The following HLCS variants were observed in gnomAD, a reference collection of about 807,000 sequenced individuals.
HLCS encodes the protein biotin--protein ligase.
A neutral mutation model predicts 75.0 loss-of-function variants in HLCS; 53 were observed. The observed-to-expected ratio is 0.71, with a 90% CI of 0.57 to 0.89. The LOEUF is 0.89. Ranked by LOEUF, HLCS falls within the 40% of genes least tolerant of loss-of-function variation. The pLI, the probability that HLCS is intolerant of heterozygous loss-of-function variation, is 0.00. For synonymous variants in HLCS, 431 were observed against 428.6 expected (o/e 1.01, Z -0.07); for missense variants, 966 against 1,074.0 (o/e 0.90, Z 1.41).
At chr21:36,927,060 C>T (rs1255606601) in intron 5 of HLCS, among the ~76,000 whole-genome samples, 8 of 152,156 alleles carry the variant, frequency 5.3e-5, no homozygotes, top group South Asian at 4.1e-4. Flanking sequence ...CTTCTTTCTA[C>T]GGAGATAGGT....
At chr21:36,779,159 G>GC (rs34474993) in intron 6 of HLCS, among the ~76,000 whole-genome samples, 152,216 of 152,216 alleles carry the variant, frequency 1, 76,108 homozygotes, top group Non-Finnish European at 1. Context: ...CAAAAAATTG[G>GC]CCTCCATATA....
chr21:36,917,319 G>C (rs2065975200), intron 5 of HLCS, among the ~76,000 whole-genome samples: 1 of 152,158 alleles, frequency 6.6e-6, no homozygotes, highest in Non-Finnish European at 1.5e-5. Context: ...CTTTGCCGGG[G>C]AAGGGCTGCT....
At chr21:36,905,907 G>A (rs750846885) in intron 5 of HLCS, among the ~76,000 whole-genome samples, 22 of 151,930 alleles carry the variant, frequency 1.4e-4, no homozygotes, top group Admixed American at 3.3e-4. Flanking sequence ...AAAATTAGCC[G>A]GGTGTGGTGG....
At chr21:36,905,071 G>T (rs757812200) in intron 5 of HLCS, among the ~76,000 whole-genome samples, 19 of 152,176 alleles carry the variant, frequency 1.2e-4, no homozygotes, top group Non-Finnish European at 2.4e-4. Context: ...TAAACCCTTA[G>T]TTACTTTATA....
chr21:36,916,517 A>ATTTTTT (rs1569188583), intron 5 of HLCS, among the ~76,000 whole-genome samples: 1 of 136,540 alleles, frequency 7.3e-6, no homozygotes. Flanking sequence ...ATGCCTAGCT[A>ATTTTTT]ATTTTTTTTT....
intron 6 of HLCS, among the ~76,000 whole-genome samples, chr21:36,819,480 C>T (rs970507744): frequency 2.6e-5 from 4 of 152,216 alleles, no homozygotes; most frequent in African/African-American, 9.7e-5. Context: ...TCAGCATCTA[C>T]CACTTCTTTG....
chr21:36,912,753 T>C (rs1264601872), intron 5 of HLCS, among the ~76,000 whole-genome samples: 3 of 152,010 alleles, frequency 2.0e-5, no homozygotes, highest in Non-Finnish European at 4.4e-5. Context: ...TCTATGCAAT[T>C]AGCCACCCCC....
chr21:36,968,076 G>A (rs574992347), upstream of HLCS, among the ~76,000 whole-genome samples: 27 of 152,156 alleles, frequency 1.8e-4, no homozygotes, highest in South Asian at 5.0e-3. Flanking sequence ...CTGGAGTGCC[G>A]TGGCATAATC....
At chr21:36,787,416 C>A (rs1231746434) in intron 6 of HLCS, among the ~76,000 whole-genome samples, 1 of 152,204 alleles carries the variant, frequency 6.6e-6, no homozygotes, top group African/African-American at 2.4e-5. Context: ...TTAAGACCCG[C>A]AGGGGTCACC....
Position 36,754,309 on chromosome 21 carries a change from A to G in HLCS, c.2559T>C (p.Thr853=). 2 of 1,614,108 alleles carry G rather than the reference A, an allele frequency of 1.2e-6. No homozygotes were observed. The highest frequency in any genetic ancestry group is 2.2e-5 in the South Asian group (2 of 91,038). ...CGAAGGAGTTGCCGTCCGGGTGCAC[A>G]GTCACAACCTCGCCGCCCTCCTGGT... ...QVHQEGGEVV[T]VHPDGNSFDM... Residue 853 remains threonine (T), a synonymous_variant, in exon 11 of 11, where the codon ACT becomes ACC. Transcript: ENST00000674895.
intron 2 of HLCS, among the ~76,000 whole-genome samples, chr21:36,952,270 G>C (rs1044538875): frequency 3.9e-5 from 6 of 152,096 alleles, no homozygotes; most frequent in African/African-American, 1.4e-4. Flanking sequence ...CTGTCAACTT[G>C]GCTAGAAGAC....
intron 6 of HLCS, among the ~76,000 whole-genome samples, chr21:36,894,188 C>T (rs1363763096): frequency 6.6e-6 from 1 of 152,192 alleles, no homozygotes; most frequent in African/African-American, 2.4e-5. Context: ...TTCCCCTTCA[C>T]CTTCTGCAAC....
rs369068690 is a variant in HLCS at position 36,765,076 on chromosome 21, G to A, written c.2057C>T (p.Pro686Leu). The change falls in exon 8 of 11, where the codon CCG becomes CTG. Residue 686 changes from proline to leucine, a missense_variant. Physicochemically the swap from Pro to Leu is moderately conservative, Grantham distance 98. Transcript: ENST00000674895. ...PLRSQLGQRI[P>L]FVQHLMSVAV... ...CACGGACATCAGATGCTGGACAAAC[G>A]GGATCCTCTGTCCCAGCTGGGATCT... 4.4e-5 allele frequency: 71 copies of A among 1,614,054 alleles called. 1 individual carries two copies. The highest frequency in any genetic ancestry group is 5.3e-5 in the Non-Finnish European group (62 of 1,180,036).
intron 6 of HLCS, among the ~76,000 whole-genome samples, chr21:36,884,916 A>G (rs934912093): frequency 2.6e-5 from 4 of 152,160 alleles, no homozygotes; most frequent in African/African-American, 9.7e-5. Context: ...GGCATATCCA[A>G]GGGACTGCGA....
chr21:36,947,741 C>CA (rs2067473316), intron 2 of HLCS: 1 of 985,292 alleles, frequency 1.0e-6, no homozygotes, highest in Non-Finnish European at 1.2e-6. Context: ...AGAAGCAGTC[C>CA]GGGAGTGAAA....
intron 6 of HLCS, among the ~76,000 whole-genome samples, chr21:36,816,915 A>C (rs997252351): frequency 6.6e-6 from 1 of 152,164 alleles, no homozygotes; most frequent in Non-Finnish European, 1.5e-5. Flanking sequence ...ATGATATACT[A>C]AGTACTTCAG....
intron 2 of HLCS, among the ~76,000 whole-genome samples, chr21:36,956,124 T>C (rs547561334): frequency 1.3e-5 from 2 of 152,278 alleles, no homozygotes; most frequent in African/African-American, 4.8e-5. Flanking sequence ...CTATAATGTA[T>C]ACGAATTATG....
intron 5 of HLCS, among the ~76,000 whole-genome samples, chr21:36,904,209 T>A (rs943891267): frequency 3.3e-5 from 5 of 152,188 alleles, no homozygotes; most frequent in African/African-American, 1.2e-4. Flanking sequence ...AACATACACT[T>A]CTCTTTGGCA....
In HLCS at chr21:36,820,903, C is replaced by T. The variant is rs922683298; in HGVS notation, c.1893-53618G>A. Among the ~76,000 whole-genome samples the T allele has an allele frequency of 7.2e-5, 11 of 152,294 alleles. No homozygotes were observed. In the Middle Eastern group the frequency reaches 0.01, roughly 141 times the overall value. ...AAGTCAGCTCCGTGGGTGGTGACCC[C>T]GTGGAGGGGAAATATAAACCAGAAA... On this transcript the variant is annotated intron_variant, in intron 6 of 10. Transcript: ENST00000674895.
Sources: allele counts gnomAD v4.1 joint callset (sites outside exome capture counted in the v4.1 genomes callset), GRCh38; gene constraint gnomAD v4.1.1; transcripts MANE v1.5; gene names NCBI Gene and HGNC (gene_info 2026-07-23, HGNC 2026-07-21).